Variants in CNTNAP4 observed in about 807,000 individuals in gnomAD.
The protein encoded by CNTNAP4 is contactin associated protein family member 4.
A neutral mutation model predicts 148.4 loss-of-function variants in CNTNAP4; 98 were observed. The ratio of observed to expected loss-of-function variants is 0.66; its 90% CI spans 0.56 to 0.78. CNTNAP4 has a LOEUF of 0.78. Ranked by LOEUF, CNTNAP4 falls within the 30% of genes least tolerant of loss-of-function variation. CNTNAP4 has a pLI of 0.00. For missense variants in CNTNAP4, 1,935 were observed against 1,565.6 expected (o/e 1.24, Z -3.98); for synonymous variants, 730 against 565.1 (o/e 1.29, Z -4.14).
At chr16:76,427,628 CAT>C in intron 4 of CNTNAP4, 29 bp downstream of exon 4, 1 of 1,557,700 alleles carries the variant, frequency 6.4e-7, no homozygotes. Flanking sequence ...AATACACTGA[CAT>C]AGATATCAAA....
rs766998790 is a variant in CNTNAP4 at position 76,494,943 on chromosome 16, C to T, written c.2114C>T (p.Thr705Ile). The stretch of plus-strand genomic sequence containing the variant: ...CCTCTGAGTTGGTGGGTAGGAAGAA[C>T]CAATGAAACGCAAACCTACTGGGGA... Reference protein sequence around the residue: ...GTPLSWWVGRTNETQTYWGGS... With the variant: ...GTPLSWWVGRINETQTYWGGS... The change falls in exon 14 of 24, where the codon ACC becomes ATC. Residue 705 changes from threonine to isoleucine, a missense_variant. Thr to Ile is a moderately conservative substitution (Grantham distance 89, BLOSUM62 -1). Transcript: ENST00000611870. 6.2e-7 allele frequency: 1 copy of T among 1,613,440 alleles called. No individual in the cohort carries two copies. Among genetic ancestry groups the T allele is most frequent in the Non-Finnish European group, 8.5e-7 (1 of 1,179,552 alleles).
chr16:76,453,081 C>G lies in CNTNAP4; in HGVS notation c.1333+312C>G, dbSNP rs563929303. Among the ~76,000 whole-genome samples, 5 of 152,224 alleles carry G rather than the reference C, an allele frequency of 3.3e-5. No homozygotes were observed. In the East Asian group the frequency reaches 5.8e-4, roughly 18 times the overall value. On this transcript the variant is annotated intron_variant, in intron 8 of 23. Coordinates refer to ENST00000611870, the MANE Select transcript of CNTNAP4 (RefSeq NM_033401.5). The stretch of plus-strand genomic sequence containing the variant: ...TGTGTTTTGGGGAAAACATGAAGAC[C>G]TTGAAATAGGCCAACAAGTTAACTA...
chr16:76,282,654 A>G (rs1307936216), intron 1 of CNTNAP4, among the ~76,000 whole-genome samples: 1 of 151,902 alleles, frequency 6.6e-6, no homozygotes, highest in Non-Finnish European at 1.5e-5. Flanking sequence ...ACTGCCCACT[A>G]AGAGCTCATG....
chr16:76,340,457 C>A (rs539476889), intron 2 of CNTNAP4, among the ~76,000 whole-genome samples: 55 of 152,256 alleles, frequency 3.6e-4, no homozygotes, highest in African/African-American at 1.3e-3. Context: ...TGACTCTTGA[C>A]TCTGAGCACC....
intron 6 of CNTNAP4, among the ~76,000 whole-genome samples, chr16:76,449,264 T>A (rs2080365877): frequency 6.6e-6 from 1 of 152,206 alleles, no homozygotes; most frequent in African/African-American, 2.4e-5. Flanking sequence ...AAATATAGGA[T>A]GTTTGCTATG....
chr16:76,330,908 G>A (rs949098600), intron 2 of CNTNAP4, among the ~76,000 whole-genome samples: 1 of 152,160 alleles, frequency 6.6e-6, no homozygotes, highest in Non-Finnish European at 1.5e-5. Flanking sequence ...TTTGAATGTG[G>A]CAATTTTTAA....
intron 18 of CNTNAP4, among the ~76,000 whole-genome samples, chr16:76,537,130 T>G (rs2084245932): frequency 6.6e-6 from 1 of 152,206 alleles, no homozygotes; most frequent in Non-Finnish European, 1.5e-5. Flanking sequence ...GACCACTTCA[T>G]TAAAATAACA....
At chr16:76,540,349 G>C (rs1006421356) in intron 20 of CNTNAP4, among the ~76,000 whole-genome samples, 10 of 152,114 alleles carry the variant, frequency 6.6e-5, no homozygotes, top group Admixed American at 1.3e-4. Context: ...CCAAGTAAAA[G>C]TGTTAAGGTG....
intron 4 of CNTNAP4, among the ~76,000 whole-genome samples, chr16:76,428,029 A>G (rs2062622821): frequency 2.0e-5 from 3 of 152,168 alleles, no homozygotes; most frequent in Non-Finnish European, 4.4e-5. Flanking sequence ...CTTTAGCCTA[A>G]AAACAATATC....
intron 17 of CNTNAP4, among the ~76,000 whole-genome samples, chr16:76,522,559 C>T (rs1243347353): frequency 1.3e-5 from 2 of 150,614 alleles, no homozygotes; most frequent in African/African-American, 2.4e-5. Flanking sequence ...GCCTGCCTGC[C>T]TGCCTGCCTG....
At chr16:76,380,033 G>A (rs1339588290) in intron 3 of CNTNAP4, among the ~76,000 whole-genome samples, 3 of 152,184 alleles carry the variant, frequency 2.0e-5, no homozygotes, top group African/African-American at 4.8e-5. Context: ...TCAGAATTAT[G>A]TGGTGAATGT....
chr16:76,420,059 C>G (rs2079122951), intron 3 of CNTNAP4, among the ~76,000 whole-genome samples: 1 of 151,766 alleles, frequency 6.6e-6, no homozygotes, highest in Non-Finnish European at 1.5e-5. Context: ...GCACAGTTCT[C>G]TGATGAGTCT....
At position 76,514,175 on chromosome 16, in the gene CNTNAP4, C is replaced by G. The variant is rs143461383; in HGVS notation, c.2366-6965C>G. On this transcript the variant is annotated intron_variant, in intron 15 of 23. Transcript: ENST00000611870. The stretch of plus-strand genomic sequence containing the variant: ...AGGCTCTCTCGTCTGATGCCCAACT[C>G]CACACCTCTTTGTTGTCACTCTGAC... 6.8e-4 allele frequency among the ~76,000 whole-genome samples: 103 copies of G among 152,234 alleles called. No individual in the cohort carries two copies. In the South Asian group the frequency reaches 6.8e-3, roughly 10 times the overall value.
At chr16:76,314,520 A>G (rs2144070925) in intron 1 of CNTNAP4, among the ~76,000 whole-genome samples, 1 of 152,330 alleles carries the variant, frequency 6.6e-6, no homozygotes, top group African/African-American at 2.4e-5. Context: ...AGGGTTTGTG[A>G]TAAAGGATTA....
intron 3 of CNTNAP4, among the ~76,000 whole-genome samples, chr16:76,387,208 C>T (rs1172973106): frequency 6.6e-6 from 1 of 152,126 alleles, no homozygotes; most frequent in Non-Finnish European, 1.5e-5. Flanking sequence ...ATTGATACAC[C>T]TACCACATGA....
chr16:76,304,446 T>G (rs1173201563), intron 1 of CNTNAP4, among the ~76,000 whole-genome samples: 1 of 152,002 alleles, frequency 6.6e-6, no homozygotes, highest in East Asian at 1.9e-4. Context: ...ATGGGAGGGT[T>G]GAGGGCTCTC....
At chr16:76,503,685 C>T (rs12444293) in intron 15 of CNTNAP4, among the ~76,000 whole-genome samples, 1 of 151,118 alleles carries the variant, frequency 6.6e-6, no homozygotes, top group Non-Finnish European at 1.5e-5. Context: ...CCCTTCCCCC[C>T]ACCCCACAAC....
chr16:76,469,807 G>C (rs987850307), intron 10 of CNTNAP4, among the ~76,000 whole-genome samples: 1 of 152,212 alleles, frequency 6.6e-6, no homozygotes, highest in South Asian at 2.1e-4. Context: ...TAGGCTAACA[G>C]TAATCCTAAC....
chr16:76,516,991 G>C (rs1295262811), intron 15 of CNTNAP4, among the ~76,000 whole-genome samples: 1 of 152,210 alleles, frequency 6.6e-6, no homozygotes, highest in Non-Finnish European at 1.5e-5. Context: ...TTCAACCCGG[G>C]AGGTGGAGGT....
Sources: allele counts gnomAD v4.1 joint callset (sites outside exome capture counted in the v4.1 genomes callset), GRCh38; gene constraint gnomAD v4.1.1; transcripts MANE v1.5; gene names NCBI Gene and HGNC (gene_info 2026-07-23, HGNC 2026-07-21).